Variants in DPH6 observed in about 807,000 individuals in gnomAD.
DPH6 encodes the protein diphthamine biosynthesis 6, also known as diphthine--ammonia ligase.
In DPH6, 33 loss-of-function variants were observed where a neutral mutation model predicts 38.2. The observed-to-expected ratio is 0.86, with a 90% CI of 0.65 to 1.15. The LOEUF (loss-of-function observed/expected upper bound fraction) is 1.15, where lower values mean the gene tolerates loss of function less well. Among genes scored for constraint, DPH6 ranks in the 50% most tolerant of loss-of-function variants. The pLI, the probability that DPH6 is intolerant of heterozygous loss-of-function variation, is 0.00. For missense variants in DPH6, 325 were observed against 320.0 expected (o/e 1.02, Z -0.12); for synonymous variants, 108 against 103.0 (o/e 1.05, Z -0.30).
At chr15:35,363,689 A>G (rs2052632938) in intron 3 of DPH6, among the ~76,000 whole-genome samples, 1 of 151,892 alleles carries the variant, frequency 6.6e-6, no homozygotes, top group Non-Finnish European at 1.5e-5. Context: ...CTCTATGTTT[A>G]TTTTAGCTTA....
At chr15:35,263,804 C>T (rs8036267) in intron 3 of DPH6, among the ~76,000 whole-genome samples, 42,371 of 151,462 alleles carry the variant, frequency 0.28, 6,183 homozygotes, top group African/African-American at 0.37. Flanking sequence ...CTCAGCCTCC[C>T]GGGTTCATGC....
intron 2 of DPH6, among the ~76,000 whole-genome samples, chr15:35,540,197 A>G (rs927755622): frequency 2.0e-5 from 3 of 152,126 alleles, no homozygotes; most frequent in African/African-American, 7.2e-5. Context: ...ACTTTGATTA[A>G]TGGAAGCTAC....
intron 6 of DPH6, among the ~76,000 whole-genome samples, chr15:35,406,772 G>A (rs1178243223): frequency 6.6e-6 from 1 of 151,980 alleles, no homozygotes; most frequent in Non-Finnish European, 1.5e-5. Flanking sequence ...TAGTTCTGCT[G>A]TTGAGGTTGA....
At chr15:35,509,060 A>G (rs1424206385) in intron 3 of DPH6, among the ~76,000 whole-genome samples, 3 of 152,192 alleles carry the variant, frequency 2.0e-5, no homozygotes, top group Admixed American at 6.5e-5. Flanking sequence ...TACACAATGT[A>G]ATTTCACAGT....
At chr15:35,454,665 T>C (rs2053974343) in intron 4 of DPH6, 82 bp downstream of exon 4, 2 of 1,190,080 alleles carry the variant, frequency 1.7e-6, no homozygotes, top group Non-Finnish European at 2.4e-6. Flanking sequence ...TATTTATAAT[T>C]TGAATATGAT....
chr15:35,226,391 T>C (rs2051481635), intron 3 of DPH6, among the ~76,000 whole-genome samples: 1 of 152,174 alleles, frequency 6.6e-6, no homozygotes, highest in Non-Finnish European at 1.5e-5. Context: ...ACTAGTTAGC[T>C]GTTATTTGGG....
chr15:35,182,373 T>C, the DPH6 span, among the ~76,000 whole-genome samples: 4 of 151,934 alleles, frequency 2.6e-5, no homozygotes, highest in Non-Finnish European at 5.9e-5. Context: ...GAAAATTTAA[T>C]ACGTTTAGTT....
chr15:35,502,901 T>C (rs2054645869), intron 3 of DPH6, among the ~76,000 whole-genome samples: 1 of 148,018 alleles, frequency 6.8e-6, no homozygotes, highest in East Asian at 1.9e-4. Flanking sequence ...TTTTCATCAC[T>C]GATTATATAT....
At chr15:35,207,426 C>T in the DPH6 span, among the ~76,000 whole-genome samples, 1 of 152,126 alleles carries the variant, frequency 6.6e-6, no homozygotes, top group Non-Finnish European at 1.5e-5. Context: ...CCTGTACTCA[C>T]TTAGCACCTC....
At chr15:35,289,873 T>C (rs1035687562) in intron 3 of DPH6, among the ~76,000 whole-genome samples, 1 of 152,242 alleles carries the variant, frequency 6.6e-6, no homozygotes, top group Non-Finnish European at 1.5e-5. Context: ...CTGATAAATG[T>C]TAAGACTAAA....
chr15:35,456,187 G>T (rs1213852542), intron 3 of DPH6, among the ~76,000 whole-genome samples: 1 of 151,872 alleles, frequency 6.6e-6, no homozygotes, highest in Non-Finnish European at 1.5e-5. Context: ...AGCCATTTTT[G>T]TTTTCATGAA....
rs149457412 is a variant in DPH6 at position 35,325,734 on chromosome 15, C to T, written n.200+47787G>A. On this transcript the variant is annotated intron_variant and non_coding_transcript_variant, in intron 3 of 3. Transcript: ENST00000560386. ...CATAAGGGAAAAATAATAAACTGTA[C>T]TGCACTAAATTGACAAATTCTGCTC... is the stretch of plus-strand genomic sequence containing the variant. Among the ~76,000 whole-genome samples the T allele has an allele frequency of 2.2e-3, 342 of 152,228 alleles. 1 individual carries two copies. Among genetic ancestry groups the T allele is most frequent in the African/African-American group, 7.7e-3 (318 of 41,552 alleles).
intron 7 of DPH6, among the ~76,000 whole-genome samples, chr15:35,374,529 T>A (rs535226478): frequency 3.2e-4 from 48 of 152,230 alleles, no homozygotes; most frequent in Admixed American, 7.2e-4. Context: ...GGCTCCAAAT[T>A]ATTAAACTTT....
intron 3 of DPH6, among the ~76,000 whole-genome samples, chr15:35,324,552 A>G (rs372520436): frequency 1.7e-4 from 26 of 152,238 alleles, no homozygotes; most frequent in African/African-American, 5.8e-4. Flanking sequence ...CCTCTCCCCT[A>G]TCTTCGAAAG....
At position 35,261,143 on chromosome 15, in the gene DPH6, T is replaced by C. The variant is rs146046378; in HGVS notation, n.201-40561A>G. The stretch of plus-strand genomic sequence containing the variant: ...TTTCCCAGATGATTAACTTCGTTCT[T>C]TAATGAGATGCCCCAAACACATTCC... On this transcript the variant is annotated intron_variant and non_coding_transcript_variant, in intron 3 of 3. Coordinates refer to the DPH6 transcript ENST00000560386. Among the ~76,000 whole-genome samples, 59 of 152,342 alleles carry C rather than the reference T, an allele frequency of 3.9e-4. No homozygotes were observed. The East Asian group carries it at 0.011, about 28-fold the overall frequency.
intron 3 of DPH6, among the ~76,000 whole-genome samples, chr15:35,296,017 G>A (rs534816582): frequency 6.6e-6 from 1 of 151,936 alleles, no homozygotes; most frequent in Admixed American, 6.5e-5. Flanking sequence ...TCTGTTCACT[G>A]CAAACTCTGC....
At chr15:35,352,067 G>A (rs1471708028) in intron 3 of DPH6, among the ~76,000 whole-genome samples, 1 of 152,026 alleles carries the variant, frequency 6.6e-6, no homozygotes, top group East Asian at 1.9e-4. Context: ...AATATTTGTG[G>A]ATACAGTTAT....
At chr15:35,517,075 G>A (rs11856663) in intron 3 of DPH6, among the ~76,000 whole-genome samples, 2,764 of 151,738 alleles carry the variant, frequency 0.018, 86 homozygotes, top group African/African-American at 0.062. Flanking sequence ...AAATATAATA[G>A]CTTGCTATTT....
At chr15:35,518,466 G>T (rs2141230942) in intron 3 of DPH6, among the ~76,000 whole-genome samples, 1 of 151,970 alleles carries the variant, frequency 6.6e-6, no homozygotes, top group East Asian at 1.9e-4. Context: ...ACACTAAAGG[G>T]GAAAAATTTT....
Sources: allele counts gnomAD v4.1 joint callset (sites outside exome capture counted in the v4.1 genomes callset), GRCh38; gene constraint gnomAD v4.1.1; transcripts MANE v1.5; gene names NCBI Gene and HGNC (gene_info 2026-07-23, HGNC 2026-07-21).